Variants in DCLK2 observed in about 807,000 individuals in gnomAD.
The protein encoded by DCLK2 is doublecortin like kinase 2, also known as serine/threonine-protein kinase DCLK2.
DCLK2 carries 31 observed loss-of-function variants against 78.4 expected under a neutral mutation model. The ratio of observed to expected loss-of-function variants is 0.40; its 90% CI spans 0.30 to 0.53. The LOEUF (loss-of-function observed/expected upper bound fraction) is 0.53. Ranked by LOEUF, DCLK2 falls within the 20% of genes least tolerant of loss-of-function variation. DCLK2 has a pLI of 0.61. For synonymous variants in DCLK2, 407 were observed against 374.9 expected, an observed-to-expected ratio of 1.09 and a Z score of -0.99; for missense variants, 872 against 973.7, an observed-to-expected ratio of 0.90 and a Z score of 1.39.
intron 1 of DCLK2, among the ~76,000 whole-genome samples, chr4:150,095,280 G>T (rs904218754): frequency 2.0e-5 from 3 of 152,120 alleles, no homozygotes; most frequent in Non-Finnish European, 4.4e-5. Flanking sequence ...GGCAACAACA[G>T]CCTGGCTCTT....
chr4:150,210,300 C>T (rs556298854), intron 5 of DCLK2, among the ~76,000 whole-genome samples: 5 of 152,146 alleles, frequency 3.3e-5, no homozygotes, highest in Non-Finnish European at 7.4e-5. Flanking sequence ...TTTCCAGGTT[C>T]CATTTTCACG....
intron 2 of DCLK2, among the ~76,000 whole-genome samples, chr4:150,184,760 C>A (rs1420211004): frequency 6.6e-6 from 1 of 152,032 alleles, no homozygotes. Flanking sequence ...CGCCACCATG[C>A]CCGGCTAATT....
chr4:150,239,635 A>G (rs762187975), intron 10 of DCLK2, 107 bp from the exon 11 acceptor site: 15 of 1,372,406 alleles, frequency 1.1e-5, no homozygotes, highest in Non-Finnish European at 1.5e-5. Flanking sequence ...ATTTCATTCG[A>G]GTTTAATAGT....
intron 2 of DCLK2, among the ~76,000 whole-genome samples, chr4:150,116,575 A>G (rs543853821): frequency 6.6e-6 from 1 of 152,276 alleles, no homozygotes; most frequent in Non-Finnish European, 1.5e-5. Context: ...GTGCTAGGGA[A>G]TGTCTTCAAG....
chr4:150,114,848 A>C (rs936666216), intron 2 of DCLK2, among the ~76,000 whole-genome samples: 1 of 152,228 alleles, frequency 6.6e-6, no homozygotes, highest in Admixed American at 6.5e-5. Context: ...TTTAGATAGC[A>C]TGATGACTGT....
chr4:150,203,034 G>T (rs566722259), intron 4 of DCLK2, among the ~76,000 whole-genome samples: 2 of 152,218 alleles, frequency 1.3e-5, no homozygotes, highest in South Asian at 4.1e-4. Flanking sequence ...TGGGGGAAAG[G>T]TTCATTTGCA....
chr4:150,150,902 G>C (rs72965595), intron 2 of DCLK2, among the ~76,000 whole-genome samples: 7,950 of 152,240 alleles, frequency 0.052, 660 homozygotes, highest in African/African-American at 0.18. Context: ...GCCTGGACAG[G>C]CTCCTTTCTT....
chr4:150,106,931 G>C (rs1040074334), intron 2 of DCLK2, among the ~76,000 whole-genome samples: 1 of 152,204 alleles, frequency 6.6e-6, no homozygotes, highest in Non-Finnish European at 1.5e-5. Context: ...TTAGGACTTT[G>C]TCTGTATTAA....
At chr4:150,101,657 A>C (rs1730900184) in intron 1 of DCLK2, among the ~76,000 whole-genome samples, 1 of 152,104 alleles carries the variant, frequency 6.6e-6, no homozygotes, top group Admixed American at 6.5e-5. Flanking sequence ...TAATTTTTGG[A>C]AATTTTGGAA....
chr4:150,145,211 C>T (rs1354837964), intron 2 of DCLK2, among the ~76,000 whole-genome samples: 1 of 137,046 alleles, frequency 7.3e-6, no homozygotes, highest in African/African-American at 2.7e-5. Context: ...GGAATGGTGA[C>T]TCTTGACTTT....
At chr4:150,124,932 T>C (rs1003454037) in intron 2 of DCLK2, among the ~76,000 whole-genome samples, 9 of 152,226 alleles carry the variant, frequency 5.9e-5, no homozygotes, top group Admixed American at 5.9e-4. Flanking sequence ...GTTGCATGCA[T>C]TGGAGTCCAG....
chr4:150,195,445 TATATATTAG>T (rs1199883744), intron 3 of DCLK2, among the ~76,000 whole-genome samples: 1 of 72,594 alleles, frequency 1.4e-5, no homozygotes, highest in East Asian at 3.6e-4. Flanking sequence ...ATATATATAA[TATATATTAG>T]ATATATTATA....
At chr4:150,208,713 G>T (rs62346572) in intron 5 of DCLK2, among the ~76,000 whole-genome samples, 1 of 151,956 alleles carries the variant, frequency 6.6e-6, no homozygotes, top group Non-Finnish European at 1.5e-5. Flanking sequence ...TTCCTGAGAG[G>T]CTTGGGGGAA....
intron 1 of DCLK2, among the ~76,000 whole-genome samples, chr4:150,084,753 C>T (rs1729530042): frequency 6.6e-6 from 1 of 152,172 alleles, no homozygotes. Context: ...ACCAGATTCT[C>T]TTGGGCAGTG....
chr4:150,167,503 T>C (rs1356429326), intron 2 of DCLK2, among the ~76,000 whole-genome samples: 1 of 152,200 alleles, frequency 6.6e-6, no homozygotes, highest in Non-Finnish European at 1.5e-5. Flanking sequence ...ATCTTACCGT[T>C]ATCCACACCT....
At chr4:150,169,474 C>T (rs2150256271) in intron 2 of DCLK2, among the ~76,000 whole-genome samples, 1 of 152,254 alleles carries the variant, frequency 6.6e-6, no homozygotes, top group Admixed American at 6.5e-5. Flanking sequence ...GCCTGGCCAA[C>T]ATGGTGAAAC....
chr4:150,134,076 C>CT (rs768954755), intron 2 of DCLK2, among the ~76,000 whole-genome samples: 5,392 of 94,740 alleles, frequency 0.057, 340 homozygotes, highest in Non-Finnish European at 0.071. Flanking sequence ...CGTATAAACT[C>CT]TTTTTTTTTT....
At chr4:150,168,090 T>C (rs1230555324) in intron 2 of DCLK2, among the ~76,000 whole-genome samples, 1 of 152,134 alleles carries the variant, frequency 6.6e-6, no homozygotes, top group Non-Finnish European at 1.5e-5. Context: ...ACGCCTGTAA[T>C]CCCAGCACTT....
At chr4:150,221,498 G>A (rs918402011) in intron 6 of DCLK2, among the ~76,000 whole-genome samples, 179 bp from the exon 7 acceptor site, 2 of 152,232 alleles carry the variant, frequency 1.3e-5, no homozygotes, top group Middle Eastern at 3.4e-3. Context: ...TTCAACCAAC[G>A]AAGTTAAAAG....
Sources: allele counts gnomAD v4.1 joint callset (sites outside exome capture counted in the v4.1 genomes callset), GRCh38; gene constraint gnomAD v4.1.1; transcripts MANE v1.5; gene names NCBI Gene and HGNC (gene_info 2026-07-23, HGNC 2026-07-21).